AFAP1L1: variants seen among roughly 807,000 people sequenced by gnomAD.
The protein encoded by AFAP1L1 is actin filament-associated protein 1-like 1.
A neutral mutation model predicts 99.8 loss-of-function variants in AFAP1L1; 77 were observed. The ratio of observed to expected loss-of-function variants is 0.77; its 90% confidence interval spans 0.64 to 0.93. The LOEUF is 0.93. Among genes scored for constraint, AFAP1L1 ranks in the 40% least tolerant of loss-of-function variants. The pLI is 0.00. For missense variants in AFAP1L1, 893 were observed against 996.8 expected (o/e 0.90, Z 1.40); for synonymous variants, 373 against 395.3 (o/e 0.94, Z 0.67).
chr5:149,315,844 C>T lies in AFAP1L1; in HGVS notation c.1044C>T (p.Thr348=). 6.2e-7 allele frequency: 1 copy of T among 1,614,142 alleles called. No individual in the cohort carries two copies. Among genetic ancestry groups the T allele is most frequent in the Non-Finnish European group, 8.5e-7 (1 of 1,180,030 alleles). Residue 348 remains threonine (T), a synonymous_variant, in exon 10 of 19, where the codon ACC becomes ACT. Coordinates refer to ENST00000296721, the MANE Select transcript of AFAP1L1 (RefSeq NM_152406.4). The stretch of plus-strand genomic sequence containing the variant: ...AGAGGCTGTCCCAAGAGAAGCAGAC[C>T]TCAGATTCTGACAGCGTGGGTGTGG... ...LDKRLSQEKQ[T]SDSDSVGVGD... is the part of the protein sequence containing the mutation.
intron 1 of AFAP1L1, among the ~76,000 whole-genome samples, chr5:149,276,281 C>T (rs528216867): frequency 3.3e-5 from 5 of 152,328 alleles, no homozygotes; most frequent in East Asian, 1.9e-4. Flanking sequence ...TGGAAACAAA[C>T]GCCGAAAGTA....
chr5:149,298,944 C>T (rs184029455), intron 1 of AFAP1L1, among the ~76,000 whole-genome samples: 4 of 152,270 alleles, frequency 2.6e-5, no homozygotes, highest in Admixed American at 2.0e-4. Context: ...ATTGGTGTCA[C>T]GTGGAAAGAA....
intron 7 of AFAP1L1, among the ~76,000 whole-genome samples, chr5:149,308,443 GT>G (rs955946800): frequency 5.9e-5 from 9 of 151,998 alleles, no homozygotes; most frequent in African/African-American, 2.2e-4. Context: ...AAACTCAATC[GT>G]TCTATTACTT....
At position 149,342,838 on chromosome 5, in the gene AFAP1L1, G is replaced by A. The variant is rs1448438687; in HGVS notation, c.*2808G>A. 6.6e-6 allele frequency among the ~76,000 whole-genome samples: 1 copy of A among 152,096 alleles called. No individual in the cohort carries two copies. Among genetic ancestry groups the A allele is most frequent in the African/African-American group, 2.4e-5 (1 of 41,414 alleles). ...GAGGGAGGAGAATCACTTGAACCCGGGAGGTGGAGGTTGCAGTGAGCCGAG... is the reference window on the plus strand; with the variant it reads ...GAGGGAGGAGAATCACTTGAACCCGAGAGGTGGAGGTTGCAGTGAGCCGAG... On this transcript the variant is annotated 3_prime_UTR_variant, in exon 19 of 19. Transcript: ENST00000296721.
intron 1 of AFAP1L1, among the ~76,000 whole-genome samples, chr5:149,287,628 G>C (rs944060155): frequency 6.6e-6 from 1 of 152,174 alleles, no homozygotes; most frequent in East Asian, 1.9e-4. Flanking sequence ...CTGTCGCCCA[G>C]GCTGGAGTGC....
chr5:149,292,392 C>T (rs1473329025), intron 1 of AFAP1L1, among the ~76,000 whole-genome samples: 2 of 152,132 alleles, frequency 1.3e-5, no homozygotes, highest in Non-Finnish European at 2.9e-5. Flanking sequence ...TTATTGGTAG[C>T]TTAATTTCTG....
At chr5:149,322,507 G>T in intron 14 of AFAP1L1, 99 bp from the exon 15 acceptor site, 1 of 772,506 alleles carries the variant, frequency 1.3e-6, no homozygotes, top group South Asian at 2.0e-5. Flanking sequence ...CAAGATCTCA[G>T]AGCAAGAAGA....
chr5:149,295,436 A>G (rs754192170), intron 1 of AFAP1L1, among the ~76,000 whole-genome samples: 19 of 152,236 alleles, frequency 1.2e-4, no homozygotes, highest in Non-Finnish European at 2.4e-4. Flanking sequence ...AATTAGAAGC[A>G]GTAGAGCATT....
At chr5:149,288,544 T>C (rs1208854831) in intron 1 of AFAP1L1, among the ~76,000 whole-genome samples, 1 of 152,146 alleles carries the variant, frequency 6.6e-6, no homozygotes, top group Non-Finnish European at 1.5e-5. Flanking sequence ...AAGGAGGCGG[T>C]GCAGGACGCT....
chr5:149,299,554 T>C lies in AFAP1L1; in HGVS notation c.62T>C (p.Leu21Pro). ...GAGCTCACCGGGCTGCTCAGCCTCC[T>C]GGACCACGAGTACCTCAGCGATACC... ...LPELTGLLSL[L>P]DHEYLSDTTL... is the part of the protein sequence containing the mutation. Residue 21 changes from leucine (L) to proline (P), a missense_variant, in exon 2 of 19, where the codon CTG (leucine) becomes CCG (proline). Physicochemically the swap from Leu to Pro is moderately conservative, Grantham distance 98. Transcript: ENST00000296721. 1.2e-6 allele frequency: 2 copies of C among 1,614,172 alleles called. No homozygotes were observed. Among genetic ancestry groups the C allele is most frequent in the Non-Finnish European group, 8.5e-7 (1 of 1,180,018 alleles).
rs199583708 is a variant in AFAP1L1 at position 149,339,972 on chromosome 5, A to G, written c.2284-35A>G. ...TTATCCATGTCACACTAGACCATTCAGCAAATTGATTTGTCTTCTCTTTCT... is the reference window on the plus strand; with the variant it reads ...TTATCCATGTCACACTAGACCATTCGGCAAATTGATTTGTCTTCTCTTTCT... On this transcript the variant is annotated intron_variant, in intron 18 of 18. Transcript: ENST00000296721. The G allele has an allele frequency of 5.6e-6, 9 of 1,613,466 alleles. No individual in the cohort carries two copies. In the Admixed American group the frequency reaches 1.3e-4, roughly 24 times the overall value.
At chr5:149,300,755 G>T (rs1756177738) in intron 3 of AFAP1L1, among the ~76,000 whole-genome samples, 1 of 152,246 alleles carries the variant, frequency 6.6e-6, no homozygotes, top group African/African-American at 2.4e-5. Flanking sequence ...TGCCGTCCTA[G>T]CCCTATCCTG....
intron 1 of AFAP1L1, among the ~76,000 whole-genome samples, chr5:149,293,200 C>A (rs1045077211): frequency 2.0e-5 from 3 of 152,244 alleles, no homozygotes; most frequent in Non-Finnish European, 4.4e-5. Flanking sequence ...CACATCAGTT[C>A]ATTTCATCTT....
chr5:149,277,130 C>T (rs1006388373), intron 1 of AFAP1L1, among the ~76,000 whole-genome samples: 1 of 152,210 alleles, frequency 6.6e-6, no homozygotes, highest in Non-Finnish European at 1.5e-5. Flanking sequence ...CTCCCAGGCT[C>T]ATGTGGAGTG....
At chr5:149,274,085 C>A (rs1245103029) in intron 1 of AFAP1L1, among the ~76,000 whole-genome samples, 1 of 152,154 alleles carries the variant, frequency 6.6e-6, no homozygotes, top group Non-Finnish European at 1.5e-5. Flanking sequence ...GCAGGCTTTT[C>A]TAGCCTGCTA....
chr5:149,338,800 C>A (rs1757478146), intron 18 of AFAP1L1, among the ~76,000 whole-genome samples: 1 of 152,156 alleles, frequency 6.6e-6, no homozygotes, highest in Admixed American at 6.5e-5. Flanking sequence ...AGGCAGAGAC[C>A]TGAATGGAGT....
At chr5:149,316,438 T>TTGG in intron 11 of AFAP1L1, 135 bp downstream of exon 11, 5 of 1,063,336 alleles carry the variant, frequency 4.7e-6, no homozygotes, top group South Asian at 1.5e-5. Context: ...ACTGGGAGGC[T>TTGG]AAGCCCCACT....
rs1756254694 is a variant in AFAP1L1, at chr5:149,302,432, T to G, written c.342T>G (p.Pro114=). 6.3e-7 allele frequency: 1 copy of G among 1,588,244 alleles called. No individual in the cohort carries two copies. Among genetic ancestry groups the G allele is most frequent in the African/African-American group, 1.3e-5 (1 of 74,446 alleles). ...SPRLRNAADL[P]PPLPNKPPPE... is the part of the protein sequence containing the mutation. Reference sequence around the variant, plus strand: ...TCCCCTTGCAGGCGGCCGACCTGCCTCCACCGCTCCCCAACAAGCCTCCCC... The same window carrying G: ...TCCCCTTGCAGGCGGCCGACCTGCCGCCACCGCTCCCCAACAAGCCTCCCC... The change falls in exon 5 of 19, where the codon CCT becomes CCG. Residue 114 remains proline, a synonymous_variant. Coordinates refer to ENST00000296721, the MANE Select transcript of AFAP1L1 (RefSeq NM_152406.4).
intron 1 of AFAP1L1, among the ~76,000 whole-genome samples, chr5:149,293,045 T>C (rs747751088): frequency 1.1e-4 from 16 of 152,190 alleles, no homozygotes; most frequent in Admixed American, 1.3e-4. Flanking sequence ...GAGCCATGAA[T>C]AGTTCACAGG....
Sources: gnomAD v4.1 joint callset for allele counts (sites outside exome capture counted in the v4.1 genomes callset) on GRCh38, gnomAD v4.1.1 for gene constraint, MANE v1.5 for transcripts, NCBI Gene and HGNC (gene_info 2026-07-23, HGNC 2026-07-21) for gene names.